The following CCSER1 variants were observed in gnomAD, a reference collection of about 807,000 sequenced individuals.
The protein encoded by CCSER1 is coiled-coil serine rich protein 1, also known as serine-rich coiled-coil domain-containing protein 1.
A neutral mutation model predicts 82.0 loss-of-function variants in CCSER1; 41 were observed. The ratio of observed to expected loss-of-function variants is 0.50; its 90% CI spans 0.39 to 0.65. The LOEUF (loss-of-function observed/expected upper bound fraction) is 0.65. Ranked by LOEUF, CCSER1 falls within the 30% of genes least tolerant of loss-of-function variation. The pLI, the probability that CCSER1 is intolerant of heterozygous loss-of-function variation, is 0.00. For synonymous variants in CCSER1, 414 were observed against 383.9 expected (o/e 1.08, Z -0.92); for missense variants, 1,119 against 1,064.2 (o/e 1.05, Z -0.72).
At chr4:90,171,258 C>T (rs1008853915) in intron 1 of CCSER1, among the ~76,000 whole-genome samples, 3 of 151,268 alleles carry the variant, frequency 2.0e-5, no homozygotes, top group East Asian at 1.9e-4. Context: ...AAAATTTATA[C>T]TAAGAGAATT....
At chr4:90,814,077 C>G (rs1000394291) in intron 7 of CCSER1, among the ~76,000 whole-genome samples, 2 of 152,250 alleles carry the variant, frequency 1.3e-5, no homozygotes, top group Admixed American at 1.3e-4. Flanking sequence ...CTCTTATCCT[C>G]TGTGTGCCCG....
At chr4:91,542,194 T>C (rs113918884) in intron 10 of CCSER1, among the ~76,000 whole-genome samples, 10,066 of 152,302 alleles carry the variant, frequency 0.066, 356 homozygotes, top group Middle Eastern at 0.095. Context: ...TTCACTCTGA[T>C]GGCAGTTTCT....
chr4:91,002,875 G>T (rs1738163258), intron 9 of CCSER1, among the ~76,000 whole-genome samples: 2 of 152,120 alleles, frequency 1.3e-5, no homozygotes, highest in South Asian at 4.1e-4. Context: ...TCATTTGGGT[G>T]GCTATGTCAG....
At chr4:90,577,537 G>A (rs1432002312) in intron 5 of CCSER1, among the ~76,000 whole-genome samples, 1 of 152,000 alleles carries the variant, frequency 6.6e-6, no homozygotes, top group Admixed American at 6.6e-5. Context: ...ACTTTTTAGG[G>A]CATTGGTTTG....
chr4:91,379,298 A>G (rs565490701), intron 10 of CCSER1, among the ~76,000 whole-genome samples: 30 of 152,060 alleles, frequency 2.0e-4, no homozygotes, highest in South Asian at 1.0e-3. Flanking sequence ...CTCTTTTTCT[A>G]TTGATTGGAA....
rs572979301 is a variant in CCSER1 at position 90,368,655 on chromosome 4, CA to C, written c.1510-31378del. Among the ~76,000 whole-genome samples the C allele has an allele frequency of 5.4e-4, 82 of 151,812 alleles. 1 individual carries two copies. Among genetic ancestry groups the C allele is most frequent in the Non-Finnish European group, 2.4e-4 (16 of 67,870 alleles). On this transcript the variant is annotated intron_variant, in intron 3 of 10. Transcript: ENST00000509176. ...TCAAAACAAAAACAAAGTCTTTACT[CA>C]AATGTCATCTCTCAATTAGGCCATT...
At chr4:91,215,461 T>C (rs1403990046) in intron 10 of CCSER1, among the ~76,000 whole-genome samples, 2 of 152,178 alleles carry the variant, frequency 1.3e-5, no homozygotes, top group East Asian at 3.9e-4. Flanking sequence ...CAATAGTCTG[T>C]CTGCAAGCTA....
chr4:91,325,153 G>T, intron 10 of CCSER1: 1 of 456,040 alleles, frequency 2.2e-6, no homozygotes, highest in Non-Finnish European at 4.4e-6. Flanking sequence ...GGTTAGCAGT[G>T]GTCCTCTTTT....
At chr4:91,178,954 A>G (rs1581718771) in intron 10 of CCSER1, among the ~76,000 whole-genome samples, 1 of 151,984 alleles carries the variant, frequency 6.6e-6, no homozygotes, top group Non-Finnish European at 1.5e-5. Flanking sequence ...GTTCCTTTCC[A>G]TTTTTAGTGC....
In CCSER1 at chr4:90,561,507, A is replaced by C. The variant is rs1579168309; in HGVS notation, c.1725-66518A>C. Among the ~76,000 whole-genome samples, 3 of 152,368 alleles carry C rather than the reference A, an allele frequency of 2.0e-5. No homozygotes were observed. The South Asian group carries it at 6.2e-4, about 32-fold the overall frequency. The stretch of plus-strand genomic sequence containing the variant: ...AATTGGGATTAAAGCATGCTGTTCC[A>C]ATAGATATCAATCATAACTTATGCT... On this transcript the variant is annotated intron_variant, in intron 5 of 10. Coordinates refer to ENST00000509176, the MANE Select transcript of CCSER1 (RefSeq NM_001145065.2).
chr4:90,856,423 A>G (rs1435888187), intron 8 of CCSER1, among the ~76,000 whole-genome samples: 1 of 152,178 alleles, frequency 6.6e-6, no homozygotes, highest in Non-Finnish European at 1.5e-5. Context: ...TATTCTTGAT[A>G]GTTTCACTTA....
chr4:90,589,961 C>G (rs1416427004), intron 5 of CCSER1, among the ~76,000 whole-genome samples: 1 of 152,202 alleles, frequency 6.6e-6, no homozygotes, highest in South Asian at 2.1e-4. Context: ...TCTGTAATCT[C>G]ATTACCTTGT....
intron 9 of CCSER1, among the ~76,000 whole-genome samples, chr4:91,010,415 G>C (rs1257151976): frequency 1.2e-5 from 1 of 82,486 alleles, no homozygotes; most frequent in Non-Finnish European, 3.6e-5. Flanking sequence ...GAATCTGTTT[G>C]GCAACTTTTG....
At chr4:90,938,891 A>G (rs1229941800) in intron 9 of CCSER1, 1 of 161,400 alleles carries the variant, frequency 6.2e-6, no homozygotes, top group Non-Finnish European at 1.4e-5. Context: ...TGCAAAAATC[A>G]TATAAAATAT....
At chr4:90,971,443 C>T (rs1237292064) in intron 9 of CCSER1, among the ~76,000 whole-genome samples, 1 of 151,936 alleles carries the variant, frequency 6.6e-6, no homozygotes, top group East Asian at 1.9e-4. Context: ...CTCTTCCAAC[C>T]TTGGGGATTA....
intron 5 of CCSER1, among the ~76,000 whole-genome samples, chr4:90,546,464 G>T (rs1272301983): frequency 4.6e-5 from 7 of 152,152 alleles, no homozygotes; most frequent in East Asian, 1.9e-4. Flanking sequence ...GATATGCTCT[G>T]CCCTGAATAA....
Position 91,430,229 on chromosome 4 carries a change from G to A in CCSER1, c.2218-168343G>A, listed in dbSNP as rs140213801. 2.1e-3 allele frequency among the ~76,000 whole-genome samples: 324 copies of A among 152,142 alleles called. 2 individuals are homozygous for A. The highest frequency in any genetic ancestry group is 7.5e-3 in the African/African-American group (313 of 41,518). The stretch of plus-strand genomic sequence containing the variant: ...TAGGGGGAAAAAAGCTATTACAATG[G>A]TATACCATAGTATTTCAGTCATTGT... On this transcript the variant is annotated intron_variant, in intron 10 of 10. Coordinates refer to ENST00000509176, the MANE Select transcript of CCSER1 (RefSeq NM_001145065.2).
chr4:90,238,833 T>G (rs1746295621), intron 1 of CCSER1, among the ~76,000 whole-genome samples: 2 of 152,086 alleles, frequency 1.3e-5, no homozygotes, highest in Admixed American at 6.6e-5. Context: ...AATATTAGCT[T>G]GGTGGATTTC....
rs566967956 is a variant in CCSER1 at position 90,988,671 on chromosome 4, T to A, written c.2172+65224T>A. On this transcript the variant is annotated intron_variant, in intron 9 of 10. Transcript: ENST00000509176. ...GCCTTTTAGAAATGAAAACTATAAA[T>A]ACTTATAATGACATAATAGACTTGA... 3.3e-5 allele frequency among the ~76,000 whole-genome samples: 5 copies of A among 151,984 alleles called. No individual in the cohort carries two copies. The East Asian group carries it at 9.7e-4, about 30-fold the overall frequency.
Sources: allele counts gnomAD v4.1 joint callset (sites outside exome capture counted in the v4.1 genomes callset), GRCh38; gene constraint gnomAD v4.1.1; transcripts MANE v1.5; gene names NCBI Gene and HGNC (gene_info 2026-07-23, HGNC 2026-07-21).